Variants in STPG2 observed in about 807,000 individuals in gnomAD.
STPG2 encodes sperm-tail PG-rich repeat-containing protein 2.
In STPG2, 56 loss-of-function variants were observed where a neutral mutation model predicts 54.2. That is an observed-to-expected ratio of 1.03 (90% CI 0.83 to 1.29). The LOEUF (loss-of-function observed/expected upper bound fraction) is 1.29. Ranked by LOEUF, STPG2 falls within the 50% of genes most tolerant of loss-of-function variation. STPG2 has a pLI of 0.00. For missense variants in STPG2, 596 were observed against 544.9 expected (o/e 1.09, Z -0.93); for synonymous variants, 200 against 181.8 (o/e 1.10, Z -0.81).
intron 4 of STPG2, among the ~76,000 whole-genome samples, chr4:97,542,270 T>A (rs1236371316): frequency 1.3e-5 from 2 of 151,264 alleles, no homozygotes; most frequent in Non-Finnish European, 3.0e-5. Context: ...AACAAATTCA[T>A]AAGAAAGCAA....
chr4:97,634,854 C>A (rs1035275998), intron 10 of STPG2, among the ~76,000 whole-genome samples: 1 of 150,560 alleles, frequency 6.6e-6, no homozygotes, highest in Non-Finnish European at 1.5e-5. Context: ...AAGACCAAAT[C>A]TACGTCTGAT....
At position 98,143,020 on chromosome 4, in the gene STPG2, TCTGCCTCTTCCTA is replaced by T. The variant is rs1432009045; in HGVS notation, c.109+9_109+21del. ...AAGATAGGATGCCTGTCACAGGAGC[TCTGCCTCTTCCTA>T]CATCTTACCTGTCGCCTGCTGCTTC... is the stretch of plus-strand genomic sequence containing the variant. On this transcript the variant is annotated intron_variant, in intron 1 of 10. Transcript: ENST00000295268. 5 of 1,595,696 alleles carry T rather than the reference TCTGCCTCTTCCTA, an allele frequency of 3.1e-6. No individual in the cohort carries two copies. Among genetic ancestry groups the T allele is most frequent in the Non-Finnish European group, 4.3e-6 (5 of 1,167,636 alleles).
intron 2 of STPG2, among the ~76,000 whole-genome samples, chr4:98,130,671 C>T (rs1739960943): frequency 6.6e-6 from 1 of 151,850 alleles, no homozygotes; most frequent in African/African-American, 2.4e-5. Flanking sequence ...ACCTGTAATC[C>T]CAGCACTTTG....
chr4:97,716,172 G>T (rs1413977573), intron 9 of STPG2, among the ~76,000 whole-genome samples: 1 of 152,082 alleles, frequency 6.6e-6, no homozygotes, highest in Non-Finnish European at 1.5e-5. Context: ...AGTTAGAATG[G>T]TGATCATTAA....
intron 10 of STPG2, among the ~76,000 whole-genome samples, chr4:97,634,723 T>C (rs1257859736): frequency 6.6e-6 from 1 of 151,804 alleles, no homozygotes; most frequent in Non-Finnish European, 1.5e-5. Context: ...TGCAATCAAC[T>C]GGAAGAAAGG....
chr4:97,872,584 C>T (rs1730030568), intron 8 of STPG2, among the ~76,000 whole-genome samples: 1 of 150,788 alleles, frequency 6.6e-6, no homozygotes, highest in Admixed American at 6.6e-5. Context: ...AAAACACACA[C>T]AAAAATTAAA....
intron 8 of STPG2, chr4:97,893,282 A>C (rs1485955132): frequency 6.6e-6 from 1 of 152,094 alleles, no homozygotes; most frequent in Non-Finnish European, 1.5e-5. Context: ...ACCACAAAAA[A>C]AAGATCCCAA....
chr4:97,512,160 C>CTT (rs1730986893), intron 4 of STPG2, among the ~76,000 whole-genome samples: 1 of 151,872 alleles, frequency 6.6e-6, no homozygotes, highest in African/African-American at 2.4e-5. Flanking sequence ...GTGTGTAAAA[C>CTT]CACAGGTAGT....
At chr4:97,460,622 A>G (rs1729639478) in intron 4 of STPG2, among the ~76,000 whole-genome samples, 2 of 152,174 alleles carry the variant, frequency 1.3e-5, no homozygotes, top group African/African-American at 2.4e-5. Context: ...TTAAAAGCAT[A>G]ACATACATAT....
chr4:98,111,367 G>A (rs1468884286), intron 3 of STPG2, among the ~76,000 whole-genome samples: 1 of 152,148 alleles, frequency 6.6e-6, no homozygotes, highest in Non-Finnish European at 1.5e-5. Context: ...AAGTGATGAG[G>A]AGAATGCTAA....
chr4:98,121,992 C>T (rs1422288579), intron 3 of STPG2, among the ~76,000 whole-genome samples: 2 of 152,066 alleles, frequency 1.3e-5, no homozygotes, highest in East Asian at 1.9e-4. Flanking sequence ...AGTGCTGGGA[C>T]TACAAGCGTG....
chr4:98,093,589 C>T (rs1382151975), intron 5 of STPG2, among the ~76,000 whole-genome samples: 2 of 152,146 alleles, frequency 1.3e-5, no homozygotes, highest in Non-Finnish European at 2.9e-5. Context: ...AATACCAAAA[C>T]CCAGGTGGCA....
intron 9 of STPG2, among the ~76,000 whole-genome samples, chr4:97,797,615 T>C (rs1727240294): frequency 6.6e-6 from 1 of 152,226 alleles, no homozygotes; most frequent in Non-Finnish European, 1.5e-5. Flanking sequence ...GATTTTTGCA[T>C]TGATGTTCAT....
At chr4:97,651,435 T>C (rs1578454504) in intron 10 of STPG2, among the ~76,000 whole-genome samples, 1 of 152,088 alleles carries the variant, frequency 6.6e-6, no homozygotes, top group African/African-American at 2.4e-5. Flanking sequence ...GATTTCAAAA[T>C]AAATTATTTT....
intron 4 of STPG2, among the ~76,000 whole-genome samples, chr4:97,532,624 T>A (rs1217386641): frequency 6.6e-6 from 1 of 152,180 alleles, no homozygotes; most frequent in Non-Finnish European, 1.5e-5. Context: ...TTAACTGTAT[T>A]CATGGCGGTT....
rs577629032 is a variant in STPG2 at position 97,796,635 on chromosome 4, G to C, written c.1204+44138C>G. Among the ~76,000 whole-genome samples the C allele has an allele frequency of 7.2e-5, 11 of 152,286 alleles. No individual in the cohort carries two copies. The East Asian group carries it at 2.1e-3, about 29-fold the overall frequency. ...AGTATAGTTTGAAGTCAGGTAGCAT[G>C]ATGCCTCCAGCTTTGTTCTTTTGGC... On this transcript the variant is annotated intron_variant, in intron 9 of 10. Transcript: ENST00000295268.
At chr4:97,880,279 G>A (rs1048533957) in intron 8 of STPG2, among the ~76,000 whole-genome samples, 1 of 152,136 alleles carries the variant, frequency 6.6e-6, no homozygotes, top group Admixed American at 6.6e-5. Flanking sequence ...ATGGGATCAG[G>A]TTCATTTGAA....
Position 97,980,050 on chromosome 4 carries a change from G to A in STPG2, c.772+1109C>T, listed in dbSNP as rs566108769. On this transcript the variant is annotated intron_variant, in intron 6 of 10. Coordinates refer to ENST00000295268, the MANE Select transcript of STPG2 (RefSeq NM_174952.3). ...AATTTTTTTAAAATAGCCAGGCATTGTAGCACACACCTGTAGTCCCAGCTA... is the reference window on the plus strand; with the variant it reads ...AATTTTTTTAAAATAGCCAGGCATTATAGCACACACCTGTAGTCCCAGCTA... Among the ~76,000 whole-genome samples the A allele has an allele frequency of 4.2e-3, 641 of 152,134 alleles. 3 individuals carry two copies. Among genetic ancestry groups the A allele is most frequent in the South Asian group, 0.024 (117 of 4,818 alleles).
chr4:97,800,531 G>A (rs1019439354), intron 9 of STPG2, among the ~76,000 whole-genome samples: 14 of 152,180 alleles, frequency 9.2e-5, no homozygotes, highest in African/African-American at 2.9e-4. Context: ...CTGCCTGATC[G>A]TTCCTCTGGA....
Sources: allele counts gnomAD v4.1 joint callset (sites outside exome capture counted in the v4.1 genomes callset), GRCh38; gene constraint gnomAD v4.1.1; transcripts MANE v1.5; gene names NCBI Gene and HGNC (gene_info 2026-07-23, HGNC 2026-07-21).